The following CRYBA4 variants were observed in gnomAD, a reference collection of about 807,000 sequenced individuals.
CRYBA4 encodes beta-crystallin A4.
In CRYBA4, 30 loss-of-function variants were observed where a neutral mutation model predicts 31.7. That is an observed-to-expected ratio of 0.95 (90% CI 0.71 to 1.28). The LOEUF is 1.28. Among genes scored for constraint, CRYBA4 ranks in the 50% most tolerant of loss-of-function variants. The pLI is 0.00. For synonymous variants in CRYBA4, 102 were observed against 102.3 expected (o/e 1.00, Z 0.02); for missense variants, 225 against 260.7 (o/e 0.86, Z 0.94).
the CRYBA4 span, among the ~76,000 whole-genome samples, chr22:26,597,892 C>CT: frequency 1.1e-4 from 17 of 150,864 alleles, no homozygotes; most frequent in East Asian, 1.4e-3. Context: ...TTTTTTTCTT[C>CT]TTTTTTTTTG....
the CRYBA4 span, chr22:26,601,899 G>A: frequency 1.4e-5 from 23 of 1,612,172 alleles, no homozygotes; most frequent in East Asian, 3.6e-4. Context: ...AGACCTTCAC[G>A]CTGCCCACGC....
At chr22:26,605,584 G>A in the CRYBA4 span, among the ~76,000 whole-genome samples, 2 of 145,666 alleles carry the variant, frequency 1.4e-5, no homozygotes, top group East Asian at 4.3e-4. Flanking sequence ...TGAGGCAGGA[G>A]AATTGCTTGC....
At position 26,630,550 on chromosome 22, in the gene CRYBA4, G is replaced by A; in HGVS notation, c.*63G>A. 1 of 1,462,210 alleles carries A rather than the reference G, an allele frequency of 6.8e-7. No individual in the cohort carries two copies. The highest frequency in any genetic ancestry group is 9.4e-7 in the Non-Finnish European group (1 of 1,064,620). 90.6% of individuals were successfully genotyped at this position (1,462,210 alleles called of 1,614,324 possible). A position where few individuals can be genotyped will look rare whatever the true frequency, so the allele number is the denominator to read the frequency against. ...CTGCAATGGAGGCGCTCTGGAGGCT[G>A]TGGTGTGTTCTCTCCTTCTGCCTCC... On this transcript the variant is annotated 3_prime_UTR_variant, in exon 6 of 6. Transcript: ENST00000354760.
chr22:26,605,953 A>G, the CRYBA4 span, among the ~76,000 whole-genome samples: 39 of 152,222 alleles, frequency 2.6e-4, no homozygotes, highest in Non-Finnish European at 2.2e-4. Context: ...CATGTGGCTC[A>G]GGATGGCTTT....
chr22:26,623,137 C>T, intron 2 of CRYBA4, 97 bp from the exon 3 acceptor site: 1 of 1,015,252 alleles, frequency 9.8e-7, no homozygotes, highest in African/African-American at 1.6e-5. Context: ...AGTTTGCAAT[C>T]CCTGCTTTAC....
intron 4 of CRYBA4, among the ~76,000 whole-genome samples, chr22:26,627,248 C>A (rs1292566366): frequency 1.3e-5 from 2 of 151,892 alleles, no homozygotes; most frequent in East Asian, 3.9e-4. Context: ...TGGTAAGTGG[C>A]AGCTGCCTCC....
the CRYBA4 span, among the ~76,000 whole-genome samples, chr22:26,603,050 A>G: frequency 1.4e-5 from 2 of 147,796 alleles, no homozygotes; most frequent in African/African-American, 2.5e-5. Flanking sequence ...GCGTGAACCC[A>G]GGAGGCAGAG....
intron 3 of CRYBA4, among the ~76,000 whole-genome samples, chr22:26,624,014 AATTT>A (rs1415332857): frequency 5.3e-5 from 8 of 152,236 alleles, no homozygotes; most frequent in Admixed American, 6.5e-5. Context: ...GTTTAATCTT[AATTT>A]ATTTAAGTTT....
intron 1 of CRYBA4, 115 bp from the exon 2 acceptor site, chr22:26,622,470 C>G (rs1191693697): frequency 1.2e-6 from 1 of 859,488 alleles, no homozygotes. Flanking sequence ...TTGCCCCTAG[C>G]CCAGTCACTC....
chr22:26,602,162 T>A, the CRYBA4 span: 1 of 1,075,036 alleles, frequency 9.3e-7, no homozygotes, highest in Non-Finnish European at 1.4e-6. Context: ...CACTGCTGTC[T>A]AGTCTGGAAG....
At chr22:26,599,787 A>G in the CRYBA4 span, 1 of 827,976 alleles carries the variant, frequency 1.2e-6, no homozygotes, top group Non-Finnish European at 2.0e-6. Flanking sequence ...CTGCTCTCTC[A>G]CTTCTGTCCT....
chr22:26,627,648 T>TC (rs1929793045), intron 4 of CRYBA4, among the ~76,000 whole-genome samples: 1 of 116,228 alleles, frequency 8.6e-6, no homozygotes, highest in African/African-American at 3.8e-5. Context: ...CTCTCTCTCT[T>TC]TCTTTCTTTC....
the CRYBA4 span, among the ~76,000 whole-genome samples, chr22:26,614,659 A>G: frequency 1.3e-5 from 2 of 152,318 alleles, no homozygotes; most frequent in South Asian, 4.1e-4. Flanking sequence ...TACAAAGAAA[A>G]GCCCAGAATA....
At position 26,628,436 on chromosome 22, in the gene CRYBA4, T is replaced by C. The variant is rs781446676; in HGVS notation, c.443+6T>C. 1.2e-6 allele frequency: 2 copies of C among 1,613,854 alleles called. No individual in the cohort carries two copies. The highest frequency in any genetic ancestry group is 2.2e-5 in the South Asian group (2 of 91,062). The stretch of plus-strand genomic sequence containing the variant: ...TTCCACGTCCACTCTGGGGCGTAAG[T>C]GTATTCAAGGCTCTACCTGGCAGGG... On this transcript the variant is annotated splice_donor_region_variant and intron_variant, in intron 5 of 5. Transcript: ENST00000354760.
chr22:26,598,363 TTC>T, the CRYBA4 span, among the ~76,000 whole-genome samples: 3 of 152,016 alleles, frequency 2.0e-5, no homozygotes, highest in Non-Finnish European at 4.4e-5. Flanking sequence ...CCTTCTCTCT[TTC>T]TCTTTCTCGC....
upstream of CRYBA4, among the ~76,000 whole-genome samples, chr22:26,620,677 C>G (rs567928261): frequency 7.4e-5 from 11 of 147,928 alleles, no homozygotes; most frequent in African/African-American, 2.8e-4. Flanking sequence ...AATTCTCCTG[C>G]CTCAGCCTCC....
At chr22:26,611,841 T>C in the CRYBA4 span, among the ~76,000 whole-genome samples, 1 of 152,316 alleles carries the variant, frequency 6.6e-6, no homozygotes, top group East Asian at 1.9e-4. Context: ...TTACTGCCAG[T>C]GTGATCTTAT....
At chr22:26,606,614 A>G in the CRYBA4 span, among the ~76,000 whole-genome samples, 5 of 152,378 alleles carry the variant, frequency 3.3e-5, no homozygotes, top group South Asian at 1.0e-3. Flanking sequence ...ATTCTTACAG[A>G]GAGTGCATCA....
chr22:26,616,802 C>T, the CRYBA4 span, among the ~76,000 whole-genome samples: 4 of 152,288 alleles, frequency 2.6e-5, no homozygotes, highest in African/African-American at 7.2e-5. Flanking sequence ...TATCATGATC[C>T]CCTCTGAGCA....
Sources: allele counts gnomAD v4.1 joint callset (sites outside exome capture counted in the v4.1 genomes callset), GRCh38; gene constraint gnomAD v4.1.1; transcripts MANE v1.5; gene names NCBI Gene and HGNC (gene_info 2026-07-23, HGNC 2026-07-21).